Variants in SPMIP7 observed in about 807,000 individuals in gnomAD.
SPMIP7 encodes protein SPMIP7.
At chr7:50,108,743 T>C in the SPMIP7 span, among the ~76,000 whole-genome samples, 1 of 152,148 alleles carries the variant, frequency 6.6e-6, no homozygotes, top group African/African-American at 2.4e-5. Flanking sequence ...AACATACTAC[T>C]TAAGAAATAA....
At chr7:50,146,614 C>T in the SPMIP7 span, among the ~76,000 whole-genome samples, 1 of 152,220 alleles carries the variant, frequency 6.6e-6, no homozygotes, top group Non-Finnish European at 1.5e-5. Flanking sequence ...GTTTTATTTG[C>T]ATTTGTCATT....
the SPMIP7 span, among the ~76,000 whole-genome samples, chr7:50,145,630 A>G: frequency 0.013 from 1,056 of 84,172 alleles, 99 homozygotes; most frequent in African/African-American, 0.032. Flanking sequence ...ATATATATAT[A>G]TATATATATA....
At chr7:50,134,247 G>A in the SPMIP7 span, 16 of 1,534,276 alleles carry the variant, frequency 1.0e-5, no homozygotes, top group Admixed American at 3.5e-4. Context: ...AATAACTCAG[G>A]TCAGCAGACT....
the SPMIP7 span, among the ~76,000 whole-genome samples, chr7:50,121,618 G>GT: frequency 2.0e-5 from 3 of 151,660 alleles, no homozygotes; most frequent in East Asian, 5.8e-4. Flanking sequence ...TTTCTGCCCA[G>GT]TTAAACACTG....
chr7:50,096,612 A>T, the SPMIP7 span: 2 of 1,549,210 alleles, frequency 1.3e-6, no homozygotes, highest in East Asian at 2.4e-5. Flanking sequence ...GAAGTACCAG[A>T]CATTTCTATC....
At chr7:50,141,679 G>T in the SPMIP7 span, 5 of 209,522 alleles carry the variant, frequency 2.4e-5, no homozygotes, top group East Asian at 1.0e-4. Flanking sequence ...GATCAATAAT[G>T]TTTGTAAAGT....
the SPMIP7 span, among the ~76,000 whole-genome samples, chr7:50,104,101 C>A: frequency 6.6e-6 from 1 of 152,150 alleles, no homozygotes; most frequent in African/African-American, 2.4e-5. Flanking sequence ...TAAGAAATAA[C>A]AAGTGATTCT....
At chr7:50,147,062 G>A in the SPMIP7 span, among the ~76,000 whole-genome samples, 3 of 152,158 alleles carry the variant, frequency 2.0e-5, no homozygotes, top group Non-Finnish European at 4.4e-5. Context: ...CCCTTATGTC[G>A]CATCCATGGT....
At chr7:50,109,114 C>T in the SPMIP7 span, among the ~76,000 whole-genome samples, 2 of 152,072 alleles carry the variant, frequency 1.3e-5, no homozygotes, top group Non-Finnish European at 2.9e-5. Context: ...GTGAATAAAG[C>T]CTCCCCATTA....
At chr7:50,129,036 TA>T in the SPMIP7 span, among the ~76,000 whole-genome samples, 1 of 151,960 alleles carries the variant, frequency 6.6e-6, no homozygotes, top group African/African-American at 2.4e-5. Flanking sequence ...AATTTGTTAC[TA>T]AAAAAATCAT....
chr7:50,157,900 T>TAA, the SPMIP7 span, among the ~76,000 whole-genome samples: 1,512 of 151,970 alleles, frequency 9.9e-3, 22 homozygotes, highest in African/African-American at 0.033. Flanking sequence ...AAAGCTTTTT[T>TAA]AAAAAAAATT....
the SPMIP7 span, chr7:50,158,904 G>A: frequency 1.7e-5 from 13 of 762,348 alleles, no homozygotes; most frequent in South Asian, 6.9e-5. Flanking sequence ...GTGCTCCCCA[G>A]CACGAGTCAT....
the SPMIP7 span, among the ~76,000 whole-genome samples, chr7:50,100,232 T>G: frequency 1.3e-4 from 20 of 152,208 alleles, no homozygotes; most frequent in African/African-American, 4.6e-4. Context: ...GAGAACAACC[T>G]GAATGAATCT....
chr7:50,135,685 G>T, the SPMIP7 span, among the ~76,000 whole-genome samples: 1 of 152,168 alleles, frequency 6.6e-6, no homozygotes, highest in Non-Finnish European at 1.5e-5. Context: ...AGCATCCAAA[G>T]TCCTTCTTGG....
the SPMIP7 span, chr7:50,159,080 C>A: frequency 6.4e-7 from 1 of 1,551,954 alleles, no homozygotes; most frequent in South Asian, 1.2e-5. Flanking sequence ...TGACCTCTTC[C>A]GTCACCAGGC....
At chr7:50,139,972 GC>G in the SPMIP7 span, among the ~76,000 whole-genome samples, 2 of 152,284 alleles carry the variant, frequency 1.3e-5, no homozygotes, top group East Asian at 1.9e-4. Flanking sequence ...TCTGGAGAAA[GC>G]AAACTACATC....
chr7:50,134,629 C>T, the SPMIP7 span, among the ~76,000 whole-genome samples: 1 of 152,198 alleles, frequency 6.6e-6, no homozygotes, highest in Non-Finnish European at 1.5e-5. Context: ...GTTCTTCACA[C>T]AGGATCTAGA....
At chr7:50,115,046 A>C in the SPMIP7 span, among the ~76,000 whole-genome samples, 1 of 151,810 alleles carries the variant, frequency 6.6e-6, no homozygotes, top group African/African-American at 2.4e-5. Context: ...AAAAAAAAAA[A>C]ATTAGTACCC....
chr7:50,097,083 G>T, the SPMIP7 span, among the ~76,000 whole-genome samples: 2 of 152,322 alleles, frequency 1.3e-5, no homozygotes, highest in Admixed American at 1.3e-4. Flanking sequence ...GCTCCAATAA[G>T]AACAGAAGCT....
Sources: allele counts gnomAD v4.1 joint callset (sites outside exome capture counted in the v4.1 genomes callset), GRCh38; gene constraint gnomAD v4.1.1; transcripts MANE v1.5; gene names NCBI Gene and HGNC (gene_info 2026-07-23, HGNC 2026-07-21).